Variants in TCERG1L observed in about 807,000 individuals in gnomAD.
The protein encoded by TCERG1L is transcription elongation regulator 1 like.
Under a neutral mutation model 56.3 loss-of-function variants are expected in TCERG1L, and 37 were observed. The observed-to-expected ratio is 0.66, with a 90% CI of 0.51 to 0.87. The LOEUF (loss-of-function observed/expected upper bound fraction) is 0.87, where lower values mean the gene tolerates loss of function less well. Ranked by LOEUF, TCERG1L falls within the 40% of genes least tolerant of loss-of-function variation. The pLI, the probability that TCERG1L is intolerant of heterozygous loss-of-function variation, is 0.00. For synonymous variants in TCERG1L, 324 were observed against 326.3 expected, an observed-to-expected ratio of 0.99 and a Z score of 0.08; for missense variants, 799 against 774.2, an observed-to-expected ratio of 1.03 and a Z score of -0.38.
Position 131,166,780 on chromosome 10 carries a change from C to G in TCERG1L, c.945+17G>C, listed in dbSNP as rs141424868. On this transcript the variant is annotated intron_variant, in intron 5 of 11. Transcript: ENST00000368642. ...GGGTTTTGTGTCTTTAACACACACACGAGCCCCGAAACTGACCTTGTCTTC... is the reference window on the plus strand; with the variant it reads ...GGGTTTTGTGTCTTTAACACACACAGGAGCCCCGAAACTGACCTTGTCTTC... 3 of 1,613,384 alleles carry G rather than the reference C, an allele frequency of 1.9e-6. No individual in the cohort carries two copies. Among genetic ancestry groups the G allele is most frequent in the Non-Finnish European group, 2.5e-6 (3 of 1,179,520 alleles).
At chr10:131,224,575 A>G (rs147417306) in intron 4 of TCERG1L, among the ~76,000 whole-genome samples, 3 of 152,292 alleles carry the variant, frequency 2.0e-5, no homozygotes, top group Non-Finnish European at 4.4e-5. Context: ...GTCAGTCACA[A>G]CTGATGGCAT....
At chr10:131,124,571 T>C (rs1228938595) in intron 8 of TCERG1L, among the ~76,000 whole-genome samples, 1 of 152,192 alleles carries the variant, frequency 6.6e-6, no homozygotes, top group African/African-American at 2.4e-5. Context: ...ACGGTTTTGA[T>C]ATTTTCAGCT....
chr10:131,288,486 G>A (rs1398826734), intron 3 of TCERG1L, among the ~76,000 whole-genome samples: 1 of 152,096 alleles, frequency 6.6e-6, no homozygotes, highest in Non-Finnish European at 1.5e-5. Flanking sequence ...TGGGATACCC[G>A]CTGTGCCGGG....
At chr10:131,242,404 A>C (rs1014798986) in intron 4 of TCERG1L, among the ~76,000 whole-genome samples, 1 of 152,208 alleles carries the variant, frequency 6.6e-6, no homozygotes, top group African/African-American at 2.4e-5. Flanking sequence ...AACAGGCAGA[A>C]GTGCACAAGA....
At chr10:131,231,872 G>A (rs1727997325) in intron 4 of TCERG1L, among the ~76,000 whole-genome samples, 1 of 152,198 alleles carries the variant, frequency 6.6e-6, no homozygotes, top group Non-Finnish European at 1.5e-5. Context: ...GGTGGAGAGG[G>A]GAGAGCAGCT....
chr10:131,231,814 G>T (rs907879819), intron 4 of TCERG1L, among the ~76,000 whole-genome samples: 7 of 152,210 alleles, frequency 4.6e-5, no homozygotes, highest in Non-Finnish European at 8.8e-5. Context: ...TCAGGGCTCA[G>T]TGCCTGTGGG....
chr10:131,299,989 C>A (rs1309995182), intron 3 of TCERG1L, among the ~76,000 whole-genome samples: 2 of 152,130 alleles, frequency 1.3e-5, no homozygotes, highest in African/African-American at 4.8e-5. Context: ...TAGCACTCTT[C>A]TTTTGTGTAG....
At chr10:131,109,076 G>T (rs1182987572) in intron 9 of TCERG1L, among the ~76,000 whole-genome samples, 2 of 152,108 alleles carry the variant, frequency 1.3e-5, no homozygotes, top group Non-Finnish European at 1.5e-5. Flanking sequence ...TGTGGGGTGG[G>T]GGGGGTGGAG....
intron 4 of TCERG1L, among the ~76,000 whole-genome samples, chr10:131,185,943 T>C (rs1845237510): frequency 6.6e-6 from 1 of 152,196 alleles, no homozygotes; most frequent in Admixed American, 6.5e-5. Context: ...ATCACCAAAA[T>C]GTGGACGTAA....
intron 3 of TCERG1L, among the ~76,000 whole-genome samples, chr10:131,273,649 G>A (rs1443461586): frequency 1.3e-5 from 2 of 152,168 alleles, no homozygotes; most frequent in South Asian, 2.1e-4. Context: ...GCTCCAGGGC[G>A]GAGGGCGTCA....
intron 3 of TCERG1L, among the ~76,000 whole-genome samples, chr10:131,287,458 TAC>T (rs1286615965): frequency 6.6e-6 from 1 of 152,196 alleles, no homozygotes; most frequent in East Asian, 1.9e-4. Flanking sequence ...TGTTGGTAAA[TAC>T]AAATCTCACT....
chr10:131,256,992 GGAAAGAAAGAAAGAAAGAAAGAAAGAAA>G (rs745516129), intron 4 of TCERG1L, among the ~76,000 whole-genome samples: 7 of 59,166 alleles, frequency 1.2e-4, no homozygotes, highest in South Asian at 6.0e-4. Context: ...AAGGAAGGAA[GGAAAGAAAGAAAGAAAGAAAGAAAGAAA>G]GAAAGAAAGA....
chr10:131,176,415 C>A (rs1846150621), intron 4 of TCERG1L, among the ~76,000 whole-genome samples: 1 of 150,484 alleles, frequency 6.6e-6, no homozygotes. Context: ...TGTGCACATA[C>A]ACCAAGACAC....
In TCERG1L at chr10:131,311,476, C is replaced by A; in HGVS notation, c.160G>T (p.Ala54Ser). The A allele has an allele frequency of 8.4e-7, 1 of 1,187,686 alleles. No individual in the cohort carries two copies. The highest frequency in any genetic ancestry group is 3.7e-5 in the South Asian group (1 of 26,862). 73.6% of individuals were successfully genotyped at this position (1,187,686 alleles called of 1,614,324 possible). The change falls in exon 1 of 12, where the codon GCG becomes TCG. Residue 54 changes from alanine to serine, a missense_variant. Coordinates refer to ENST00000368642, the MANE Select transcript of TCERG1L (RefSeq NM_174937.4). The surrounding 1 kb of genome is among the most constrained non-coding windows in gnomAD (Gnocchi z 4.0). ...AGCACCGGGGGAACCACGACCCCCG[C>A]GCTGAGCCGGAGCAGCCCGGCCGAG... ...PGSAGLLRLSAGVVVPPVLLA... is the reference protein window; with the variant it reads ...PGSAGLLRLSSGVVVPPVLLA...
At chr10:131,202,304 G>A (rs551559117) in intron 4 of TCERG1L, among the ~76,000 whole-genome samples, 8 of 152,318 alleles carry the variant, frequency 5.3e-5, no homozygotes, top group East Asian at 1.9e-4. Flanking sequence ...CTTTTTCGCC[G>A]GGCGCGGTGG....
intron 4 of TCERG1L, among the ~76,000 whole-genome samples, chr10:131,204,580 G>A (rs1845495699): frequency 6.6e-6 from 1 of 152,262 alleles, no homozygotes; most frequent in Non-Finnish European, 1.5e-5. Context: ...CACAGTCACT[G>A]TGTGGGCTCC....
At chr10:131,296,432 C>T (rs1846691086) in intron 3 of TCERG1L, among the ~76,000 whole-genome samples, 1 of 152,158 alleles carries the variant, frequency 6.6e-6, no homozygotes, top group African/African-American at 2.4e-5. Flanking sequence ...ATTGGCCATA[C>T]GTGCATGTGT....
chr10:131,148,746 C>T (rs1029097128), intron 6 of TCERG1L, among the ~76,000 whole-genome samples: 10 of 152,174 alleles, frequency 6.6e-5, no homozygotes, highest in African/African-American at 2.2e-4. Context: ...AAATGGACCT[C>T]CCCATAGGCT....
At chr10:131,281,843 G>A (rs959151526) in intron 3 of TCERG1L, among the ~76,000 whole-genome samples, 1 of 142,550 alleles carries the variant, frequency 7.0e-6, no homozygotes, top group Non-Finnish European at 1.6e-5. Context: ...TGAGACCAAT[G>A]AAAACCCTTC....
Sources: gnomAD v4.1 joint callset for allele counts (sites outside exome capture counted in the v4.1 genomes callset) on GRCh38, gnomAD v4.1.1 for gene constraint, Gnocchi (gnomAD v3.1) non-coding constraint, MANE v1.5 for transcripts, NCBI Gene and HGNC (gene_info 2026-07-23, HGNC 2026-07-21) for gene names.